MAST2: variants seen among roughly 807,000 people sequenced by gnomAD.
MAST2 encodes microtubule associated serine/threonine kinase 2.
In MAST2, 70 loss-of-function variants were observed where a neutral mutation model predicts 147.4. That is an observed-to-expected ratio of 0.47 (90% confidence interval 0.39 to 0.58). MAST2 has a LOEUF of 0.58. Among genes scored for constraint, MAST2 ranks in the 20% least tolerant of loss-of-function variants. The pLI is 0.00. For missense variants in MAST2, 2,080 were observed against 2,302.3 expected (o/e 0.90, Z 1.98); for synonymous variants, 869 against 896.8 (o/e 0.97, Z 0.55).
At chr1:45,937,146 G>GGGTGATCCTAAACCCCTGGGCTCA (rs1656323159) in intron 4 of MAST2, among the ~76,000 whole-genome samples, 1 of 150,832 alleles carries the variant, frequency 6.6e-6, no homozygotes, top group Non-Finnish European at 1.5e-5. Context: ...ACGTTGCCCA[G>GGGTGATCCTAAACCCCTGGGCTCA]GGTGATCCTA....
At chr1:45,970,126 C>T (rs530209124) in intron 5 of MAST2, among the ~76,000 whole-genome samples, 8 of 152,172 alleles carry the variant, frequency 5.3e-5, no homozygotes, top group East Asian at 1.9e-4. Context: ...TGCTCCGGCG[C>T]GTATCAAAAC....
Position 46,010,904 on chromosome 1 carries a change from G to A in MAST2, c.1153G>A (p.Glu385Lys), listed in dbSNP as rs781111310. 2.5e-6 allele frequency: 4 copies of A among 1,614,146 alleles called. No individual in the cohort carries two copies. Among genetic ancestry groups the A allele is most frequent in the South Asian group, 1.1e-5 (1 of 91,074 alleles). Reference protein sequence around the residue: ...SGLITSQYFYELQDNLEKLLQ... With the variant: ...SGLITSQYFYKLQDNLEKLLQ... Reference sequence around the variant, plus strand: ...CCTCATTACATCACAATACTTCTACGAACTTCAAGATAATTTGGAGAAACT... The same window carrying A: ...CCTCATTACATCACAATACTTCTACAAACTTCAAGATAATTTGGAGAAACT... The change falls in exon 10 of 29, where the codon GAA (glutamate) becomes AAA (lysine). Residue 385 changes from glutamate (E) to lysine (K), a missense_variant. Transcript: ENST00000361297.
At chr1:45,889,190 AT>A (rs963723755) in intron 4 of MAST2, among the ~76,000 whole-genome samples, 53 of 148,960 alleles carry the variant, frequency 3.6e-4, no homozygotes, top group East Asian at 5.9e-4. Flanking sequence ...TTTTGGTGAA[AT>A]TTTTTTTTTT....
intron 5 of MAST2, among the ~76,000 whole-genome samples, chr1:45,980,601 C>G (rs1226564813): frequency 1.3e-5 from 2 of 152,140 alleles, no homozygotes; most frequent in Non-Finnish European, 2.9e-5. Context: ...GTGGCATGAT[C>G]ACGGCTCATT....
chr1:45,893,593 A>C (rs946231173), intron 4 of MAST2, among the ~76,000 whole-genome samples: 4 of 131,686 alleles, frequency 3.0e-5, no homozygotes, highest in East Asian at 4.5e-4. Context: ...TTCCTGTAGG[A>C]TATTTTAAAA....
At position 46,034,257 on chromosome 1, in the gene MAST2, G is replaced by A. The variant is rs991007520; in HGVS notation, c.3859G>A (p.Val1287Met). The part of the protein sequence containing the change: ...TQGYRVTPDA[V>M]HSVGGNSSQS... Reference sequence around the variant, plus strand: ...AGGCTACCGGGTGACCCCCGATGCTGTGCATTCAGGTACGAAGGGCTCCCT... The same window carrying A: ...AGGCTACCGGGTGACCCCCGATGCTATGCATTCAGGTACGAAGGGCTCCCT... The change falls in exon 28 of 29, where the codon GTG (valine) becomes ATG (methionine). Residue 1287 changes from valine to methionine, a missense_variant. Physicochemically the swap from Val to Met is conservative, Grantham distance 21. Around this residue, in one of 4 missense-constraint regions of MAST2, gnomAD observed 1,278 missense variants for 1,304.2 expected, o/e 0.98. Coordinates refer to ENST00000361297, the MANE Select transcript of MAST2 (RefSeq NM_015112.3). 15 of 1,612,248 alleles carry A rather than the reference G, an allele frequency of 9.3e-6. No individual in the cohort carries two copies. Among genetic ancestry groups the A allele is most frequent in the Non-Finnish European group, 1.3e-5 (15 of 1,179,070 alleles).
At chr1:45,951,389 C>G (rs550557377) in intron 4 of MAST2, among the ~76,000 whole-genome samples, 20 of 152,234 alleles carry the variant, frequency 1.3e-4, no homozygotes, top group African/African-American at 4.6e-4. Context: ...TCAAGACCAT[C>G]CCAGACAATA....
intron 5 of MAST2, among the ~76,000 whole-genome samples, chr1:45,972,903 A>G (rs1250374635): frequency 2.0e-5 from 3 of 152,142 alleles, no homozygotes; most frequent in Admixed American, 6.5e-5. Context: ...TCTGCAGACT[A>G]CTCAAGTGTT....
intron 4 of MAST2, among the ~76,000 whole-genome samples, chr1:45,958,657 T>A (rs1659992285): frequency 6.6e-6 from 1 of 152,170 alleles, no homozygotes; most frequent in African/African-American, 2.4e-5. Flanking sequence ...TCCCTACTGC[T>A]TCCCTCCTAA....
chr1:45,841,816 C>T (rs1645286250), intron 3 of MAST2, among the ~76,000 whole-genome samples: 1 of 151,972 alleles, frequency 6.6e-6, no homozygotes, highest in African/African-American at 2.4e-5. Flanking sequence ...TAAAGCAGGA[C>T]CTTAGGGTAA....
At chr1:45,955,789 C>A (rs992633989) in intron 4 of MAST2, among the ~76,000 whole-genome samples, 3 of 152,188 alleles carry the variant, frequency 2.0e-5, no homozygotes, top group African/African-American at 7.2e-5. Flanking sequence ...AGAATCCAGA[C>A]CATATAATGC....
intron 4 of MAST2, among the ~76,000 whole-genome samples, chr1:45,924,992 C>A (rs1343783339): frequency 6.6e-6 from 1 of 152,244 alleles, no homozygotes; most frequent in East Asian, 1.9e-4. Context: ...GTTAAGTCAC[C>A]CAGTTTGTGA....
chr1:45,826,588 A>G (rs1360044261), intron 2 of MAST2, among the ~76,000 whole-genome samples: 2 of 151,792 alleles, frequency 1.3e-5, no homozygotes, highest in East Asian at 3.9e-4. Flanking sequence ...CCTGAGCTCA[A>G]GCAGTCCTTC....
chr1:45,893,643 A>G (rs1290915787), intron 4 of MAST2, among the ~76,000 whole-genome samples: 1 of 152,044 alleles, frequency 6.6e-6, no homozygotes, highest in Non-Finnish European at 1.5e-5. Context: ...TTTGTTTCCT[A>G]AAATCTGGCA....
chr1:45,970,619 G>A (rs960378025), intron 5 of MAST2, among the ~76,000 whole-genome samples: 1 of 135,114 alleles, frequency 7.4e-6, no homozygotes, highest in Non-Finnish European at 1.5e-5. Flanking sequence ...AGTGAGCCCA[G>A]ATCGCACCAC....
At chr1:45,963,201 G>A (rs1324721453) in intron 5 of MAST2, among the ~76,000 whole-genome samples, 3 of 152,176 alleles carry the variant, frequency 2.0e-5, no homozygotes. Context: ...ATAGCCTGAT[G>A]CCTCCAGCTT....
rs1298423871 is a variant in MAST2, at chr1:46,034,269, A to G, written c.3868+3A>G. ...GACCCCCGATGCTGTGCATTCAGGT[A>G]CGAAGGGCTCCCTGCAGATCAGTGA... On this transcript the variant is annotated splice_donor_region_variant and intron_variant, in intron 28 of 28. Coordinates refer to ENST00000361297, the MANE Select transcript of MAST2 (RefSeq NM_015112.3). The G allele has an allele frequency of 1.9e-6, 3 of 1,610,462 alleles. No homozygotes were observed. The highest frequency in any genetic ancestry group is 2.5e-6 in the Non-Finnish European group (3 of 1,178,008).
At chr1:45,927,786 C>T (rs112948045) in intron 4 of MAST2, among the ~76,000 whole-genome samples, 1 of 152,178 alleles carries the variant, frequency 6.6e-6, no homozygotes, top group Non-Finnish European at 1.5e-5. Context: ...TAGGAAAGCA[C>T]AGGGGTATTG....
rs887263724 is a variant in MAST2, at chr1:46,008,444, C to T, written c.978+73C>T. ...GCCTACAGCCAGCCCCAATGGGAGA[C>T]TCTGGAGTGAAGGAATGAAGTGCTA... On this transcript the variant is annotated intron_variant, in intron 9 of 28. Coordinates refer to ENST00000361297, the MANE Select transcript of MAST2 (RefSeq NM_015112.3). 7.4e-6 allele frequency: 7 copies of T among 948,734 alleles called. No individual in the cohort carries two copies. The African/African-American group carries it at 1.1e-4, about 15-fold the overall frequency. 58.8% of individuals were successfully genotyped at this position (948,734 alleles called of 1,614,324 possible).
Sources: gnomAD v4.1 joint callset for allele counts (sites outside exome capture counted in the v4.1 genomes callset) on GRCh38, gnomAD v4.1.1 for gene constraint, gnomAD v4.1.1 regional missense constraint, MANE v1.5 for transcripts, NCBI Gene and HGNC (gene_info 2026-07-23, HGNC 2026-07-21) for gene names.